The following DOK6 variants were observed in gnomAD, a reference collection of about 807,000 sequenced individuals.
DOK6 encodes docking protein 6, also known as downstream of tyrosine kinase 6.
DOK6 carries 22 observed loss-of-function variants against 44.0 expected under a neutral mutation model. The observed-to-expected ratio is 0.50, with a 90% CI of 0.36 to 0.71. DOK6 has a LOEUF of 0.71. Ranked by LOEUF, DOK6 falls within the 30% of genes least tolerant of loss-of-function variation. The probability of loss-of-function intolerance (pLI) is 0.00; values close to 1 mark genes in which losing one functional copy is unlikely to be tolerated. For synonymous variants in DOK6, 166 were observed against 145.5 expected (o/e 1.14, Z -1.01); for missense variants, 340 against 416.4 (o/e 0.82, Z 1.60).
At chr18:69,806,714 T>C (rs769162374) in intron 7 of DOK6, among the ~76,000 whole-genome samples, 4 of 151,932 alleles carry the variant, frequency 2.6e-5, no homozygotes, top group African/African-American at 2.4e-5. Context: ...CAAGGAAGAT[T>C]AGGTAATCAG....
chr18:69,519,586 T>A (rs1472188566), intron 1 of DOK6, among the ~76,000 whole-genome samples: 1 of 151,944 alleles, frequency 6.6e-6, no homozygotes, highest in African/African-American at 2.4e-5. Flanking sequence ...AAGAGTTCCA[T>A]AATTATTAGA....
At chr18:69,768,037 C>T (rs1019901474) in intron 7 of DOK6, among the ~76,000 whole-genome samples, 1 of 152,104 alleles carries the variant, frequency 6.6e-6, no homozygotes, top group Non-Finnish European at 1.5e-5. Context: ...TGTTCAGTCT[C>T]TATATTTTTC....
chr18:69,585,871 A>G (rs1036986673), intron 2 of DOK6, among the ~76,000 whole-genome samples: 27 of 152,218 alleles, frequency 1.8e-4, no homozygotes, highest in African/African-American at 6.5e-4. Context: ...AGCTTGTGAC[A>G]CTTTTAAAAG....
In DOK6 at chr18:69,467,205, G is replaced by A. The variant is rs376506096; in HGVS notation, c.66+65895G>A. Among the ~76,000 whole-genome samples the A allele has an allele frequency of 2.7e-4, 41 of 152,196 alleles. No homozygotes were observed. The East Asian group carries it at 6.0e-3, about 22-fold the overall frequency. On this transcript the variant is annotated intron_variant, in intron 1 of 7. Coordinates refer to ENST00000382713, the MANE Select transcript of DOK6 (RefSeq NM_152721.6). The stretch of plus-strand genomic sequence containing the variant: ...ATGACTGAATAAGTTATGAAAACAC[G>A]CCATATTCTATTATAGCTGCCTAAA...
At chr18:69,522,828 C>T (rs1040133929) in intron 1 of DOK6, among the ~76,000 whole-genome samples, 2 of 152,148 alleles carry the variant, frequency 1.3e-5, no homozygotes, top group East Asian at 3.9e-4. Flanking sequence ...CAAAACCCAA[C>T]AAATTATCGT....
chr18:69,579,057 T>C (rs11151511), intron 2 of DOK6, among the ~76,000 whole-genome samples: 62,817 of 152,064 alleles, frequency 0.41, 14,183 homozygotes, highest in South Asian at 0.5. Context: ...AAACTAGTTT[T>C]ATTTGAGAGC....
intron 7 of DOK6, among the ~76,000 whole-genome samples, chr18:69,794,281 A>G (rs1202562255): frequency 1.3e-5 from 2 of 152,186 alleles, no homozygotes; most frequent in African/African-American, 2.4e-5. Flanking sequence ...AGCTTTCTAC[A>G]GAAGTATCTG....
chr18:69,723,989 C>CA (rs1457099809), intron 5 of DOK6, among the ~76,000 whole-genome samples: 12 of 152,176 alleles, frequency 7.9e-5, no homozygotes, highest in Non-Finnish European at 1.3e-4. Flanking sequence ...AATCTGGTCT[C>CA]AAAACCTTTA....
intron 7 of DOK6, chr18:69,778,089 G>A (rs532318058): frequency 1.3e-5 from 2 of 152,182 alleles, no homozygotes; most frequent in South Asian, 4.1e-4. Flanking sequence ...AGAGACTATA[G>A]TAGCTTCAGA....
At chr18:69,545,457 T>A (rs1200141091) in intron 1 of DOK6, among the ~76,000 whole-genome samples, 1 of 149,686 alleles carries the variant, frequency 6.7e-6, no homozygotes, top group Non-Finnish European at 1.5e-5. Context: ...CTCCTGGTAT[T>A]TCATTGATGA....
At chr18:69,411,478 C>T (rs995248505) in intron 1 of DOK6, among the ~76,000 whole-genome samples, 2 of 152,048 alleles carry the variant, frequency 1.3e-5, no homozygotes, top group Admixed American at 1.3e-4. Context: ...AGAACCATTG[C>T]CACAGAAGTA....
At chr18:69,493,063 G>T (rs1260340788) in intron 1 of DOK6, among the ~76,000 whole-genome samples, 1 of 151,976 alleles carries the variant, frequency 6.6e-6, no homozygotes. Context: ...TAAACATCAT[G>T]ATGATGTCAT....
intron 7 of DOK6, among the ~76,000 whole-genome samples, chr18:69,811,554 A>G (rs1981232736): frequency 9.5e-5 from 2 of 21,142 alleles, no homozygotes; most frequent in South Asian, 3.0e-3. Flanking sequence ...ATATATATAT[A>G]TATATATATA....
chr18:69,647,069 A>G (rs867993307), intron 3 of DOK6, among the ~76,000 whole-genome samples: 2 of 104,340 alleles, frequency 1.9e-5, no homozygotes, highest in African/African-American at 7.5e-5. Context: ...CTATCTGTCT[A>G]TCCCATCTGT....
intron 3 of DOK6, among the ~76,000 whole-genome samples, chr18:69,664,598 T>A (rs1461601781): frequency 1.2e-4 from 19 of 152,298 alleles, no homozygotes; most frequent in Non-Finnish European, 1.2e-4. Context: ...TAAACAAAGA[T>A]ACTCATCACA....
At chr18:69,456,774 A>G (rs866043285) in intron 1 of DOK6, among the ~76,000 whole-genome samples, 63 of 152,314 alleles carry the variant, frequency 4.1e-4, no homozygotes, top group African/African-American at 1.2e-3. Context: ...CGAAAAGTGT[A>G]TAAGTGTTCC....
intron 7 of DOK6, among the ~76,000 whole-genome samples, chr18:69,821,729 GA>G (rs1981576530): frequency 6.6e-6 from 1 of 150,518 alleles, no homozygotes; most frequent in African/African-American, 2.4e-5. Flanking sequence ...TTTCCCCTGT[GA>G]AAATCACATG....
chr18:69,670,038 G>A (rs898109936), intron 3 of DOK6, among the ~76,000 whole-genome samples: 2 of 152,026 alleles, frequency 1.3e-5, no homozygotes, highest in South Asian at 2.1e-4. Context: ...GGTCCTCCTC[G>A]GAAGAAAATC....
intron 3 of DOK6, among the ~76,000 whole-genome samples, chr18:69,620,123 C>G (rs549403509): frequency 2.6e-5 from 4 of 152,108 alleles, no homozygotes; most frequent in African/African-American, 9.6e-5. Context: ...ACAATTATAT[C>G]AATCCCTAAA....
Sources: gnomAD v4.1 joint callset for allele counts (sites outside exome capture counted in the v4.1 genomes callset) on GRCh38, gnomAD v4.1.1 for gene constraint, MANE v1.5 for transcripts, NCBI Gene and HGNC (gene_info 2026-07-23, HGNC 2026-07-21) for gene names.